PCSK5: variants seen among roughly 807,000 people sequenced by gnomAD.
PCSK5 encodes the protein proprotein convertase subtilisin/kexin type 5, also known as prohormone convertase 5.
Under a neutral mutation model 233.2 loss-of-function variants are expected in PCSK5, and 129 were observed. That is an observed-to-expected ratio of 0.55 (90% confidence interval 0.48 to 0.64). PCSK5 has a LOEUF of 0.64. Among genes scored for constraint, PCSK5 ranks in the 30% least tolerant of loss-of-function variants. PCSK5 has a pLI of 0.00. For missense variants in PCSK5, 2,076 were observed against 2,430.1 expected, an observed-to-expected ratio of 0.85 and a Z score of 3.06; for synonymous variants, 825 against 879.2, an observed-to-expected ratio of 0.94 and a Z score of 1.09.
intron 23 of PCSK5, among the ~76,000 whole-genome samples, 156 bp downstream of exon 23, chr9:76,239,321 TTCTC>T (rs1826355059): frequency 6.6e-6 from 1 of 152,176 alleles, no homozygotes; most frequent in Admixed American, 6.5e-5. Context: ...AGAGGTAACT[TTCTC>T]TCTCCCTCTC....
chr9:76,260,228 A>C (rs1827124521), intron 24 of PCSK5, among the ~76,000 whole-genome samples: 1 of 152,172 alleles, frequency 6.6e-6, no homozygotes, highest in African/African-American at 2.4e-5. Context: ...TATTGGTGGG[A>C]GTATTAAATG....
chr9:76,090,698 C>T (rs1474033404), intron 7 of PCSK5, among the ~76,000 whole-genome samples: 4 of 152,074 alleles, frequency 2.6e-5, no homozygotes, highest in Non-Finnish European at 5.9e-5. Flanking sequence ...TGCCAGGGAA[C>T]GGTTTCATGG....
chr9:76,329,787 C>G (rs981285386), intron 33 of PCSK5, among the ~76,000 whole-genome samples: 3 of 151,954 alleles, frequency 2.0e-5, no homozygotes, highest in Non-Finnish European at 4.4e-5. Context: ...GATCCGAGAT[C>G]GCACCACTAC....
intron 30 of PCSK5, among the ~76,000 whole-genome samples, chr9:76,315,991 A>G (rs1587317246): frequency 7.5e-6 from 1 of 133,736 alleles, no homozygotes; most frequent in Non-Finnish European, 1.5e-5. Flanking sequence ...TCAGCATCTC[A>G]TCCAACATCC....
chr9:76,162,992 C>T (rs1016994276), intron 12 of PCSK5, among the ~76,000 whole-genome samples: 2 of 152,202 alleles, frequency 1.3e-5, no homozygotes, highest in Non-Finnish European at 2.9e-5. Flanking sequence ...TGGAGGCTCA[C>T]TTGGCATCAC....
chr9:76,320,418 G>T (rs1829157618), intron 30 of PCSK5, among the ~76,000 whole-genome samples: 1 of 128,230 alleles, frequency 7.8e-6, no homozygotes. Flanking sequence ...GACACAGCAA[G>T]ACTCTGTCTC....
intron 5 of PCSK5, among the ~76,000 whole-genome samples, chr9:76,042,617 C>T (rs578250881): frequency 4.6e-5 from 7 of 152,108 alleles, no homozygotes; most frequent in African/African-American, 1.7e-4. Flanking sequence ...GATCACGCCA[C>T]GGCATGCCAG....
chr9:75,994,529 A>G (rs1294357629), intron 3 of PCSK5, among the ~76,000 whole-genome samples: 6 of 148,584 alleles, frequency 4.0e-5, no homozygotes, highest in East Asian at 2.0e-4. Flanking sequence ...GGTTCATGCA[A>G]TTCTCCTGCC....
intron 2 of PCSK5, among the ~76,000 whole-genome samples, chr9:75,982,287 G>T (rs954917169): frequency 6.6e-6 from 1 of 152,096 alleles, no homozygotes. Flanking sequence ...CAGTGTTTTA[G>T]TAAATAACCT....
At chr9:76,152,029 T>C (rs1020699795) in intron 10 of PCSK5, among the ~76,000 whole-genome samples, 3 of 152,194 alleles carry the variant, frequency 2.0e-5, no homozygotes, top group African/African-American at 7.2e-5. Context: ...ATCAAATAAT[T>C]GAATCTAATT....
chr9:76,201,058 G>A (rs1824895625), intron 20 of PCSK5, among the ~76,000 whole-genome samples: 1 of 152,176 alleles, frequency 6.6e-6, no homozygotes, highest in South Asian at 2.1e-4. Context: ...AGAACAGGGT[G>A]CAAGCTCACA....
At chr9:75,980,917 A>G (rs1826249301) in intron 2 of PCSK5, among the ~76,000 whole-genome samples, 1 of 150,352 alleles carries the variant, frequency 6.7e-6, no homozygotes, top group Non-Finnish European at 1.5e-5. Flanking sequence ...GTCCATTACC[A>G]CCTAACTCAT....
At chr9:75,943,554 A>G (rs994787416) in intron 2 of PCSK5, among the ~76,000 whole-genome samples, 4 of 152,148 alleles carry the variant, frequency 2.6e-5, no homozygotes, top group Admixed American at 6.5e-5. Context: ...TCTTATTTGT[A>G]TACTGAGTTC....
intron 24 of PCSK5, among the ~76,000 whole-genome samples, chr9:76,273,072 C>CT (rs774658948): frequency 6.6e-6 from 1 of 152,002 alleles, no homozygotes; most frequent in Non-Finnish European, 1.5e-5. Flanking sequence ...TGAATAAATC[C>CT]TTTCATTAAA....
chr9:76,283,741 G>A lies in PCSK5; in HGVS notation c.3143-8492G>A, dbSNP rs1827958607. ...TTTTGATCTAGAAAGTTTGCTCCGGGGAATAAATTTATGTACTAAAGCTAC... is the reference window on the plus strand; with the variant it reads ...TTTTGATCTAGAAAGTTTGCTCCGGAGAATAAATTTATGTACTAAAGCTAC... On this transcript the variant is annotated intron_variant, in intron 24 of 37. Coordinates refer to ENST00000674117, the MANE Select transcript of PCSK5 (RefSeq NM_001372043.1). 7.9e-5 allele frequency among the ~76,000 whole-genome samples: 12 copies of A among 152,134 alleles called. 1 individual carries two copies. The South Asian group carries it at 2.3e-3, about 29-fold the overall frequency.
intron 1 of PCSK5, among the ~76,000 whole-genome samples, chr9:75,921,243 A>T (rs1372260362): frequency 1.3e-5 from 2 of 152,130 alleles, no homozygotes; most frequent in Non-Finnish European, 2.9e-5. Context: ...CTTATCTCAG[A>T]CCCTTAAGTC....
At chr9:76,204,633 G>T (rs1825042550) in intron 20 of PCSK5, among the ~76,000 whole-genome samples, 1 of 151,998 alleles carries the variant, frequency 6.6e-6, no homozygotes, top group African/African-American at 2.4e-5. Flanking sequence ...CTTATTTGTT[G>T]GATGTCTGAG....
intron 2 of PCSK5, among the ~76,000 whole-genome samples, chr9:75,957,202 G>T (rs145385851): frequency 6.6e-6 from 1 of 152,080 alleles, no homozygotes; most frequent in African/African-American, 2.4e-5. Flanking sequence ...TTTCAGTATT[G>T]CGTCTTTTTG....
intron 24 of PCSK5, among the ~76,000 whole-genome samples, chr9:76,242,423 A>G (rs1826458919): frequency 6.6e-6 from 1 of 152,202 alleles, no homozygotes; most frequent in South Asian, 2.1e-4. Context: ...CCACTATAAA[A>G]TGATGCTTAT....
Sources: allele counts gnomAD v4.1 joint callset (sites outside exome capture counted in the v4.1 genomes callset), GRCh38; gene constraint gnomAD v4.1.1; transcripts MANE v1.5; gene names NCBI Gene and HGNC (gene_info 2026-07-23, HGNC 2026-07-21).